Variants in BRCA2 observed in about 807,000 individuals in gnomAD.
BRCA2 encodes the protein BRCA2 DNA repair associated, also known as breast cancer type 2 susceptibility protein.
BRCA2 carries 203 observed loss-of-function variants against 276.7 expected under a neutral mutation model. The ratio of observed to expected loss-of-function variants is 0.73; its 90% confidence interval spans 0.65 to 0.82. BRCA2 has a LOEUF of 0.82. BRCA2 is among the 40% of genes least tolerant of loss of function. The pLI, the probability that BRCA2 is intolerant of heterozygous loss-of-function variation, is 0.00. For synonymous variants in BRCA2, 1,289 were observed against 1,338.4 expected (o/e 0.96, Z 0.81); for missense variants, 3,920 against 3,915.0 (o/e 1.00, Z -0.03).
At chr13:32,375,563 C>CTT (rs398022219) in intron 20 of BRCA2, among the ~76,000 whole-genome samples, 1,871 of 143,178 alleles carry the variant, frequency 0.013, 17 homozygotes, top group Non-Finnish European at 0.018. Flanking sequence ...AGACATGTTT[C>CTT]TTTTTTTTTT....
rs750084851 is a variant in BRCA2 at position 32,340,851 on chromosome 13, G to T, written c.6496G>T (p.Val2166Leu). ...SQFQQDKQQL[V>L]LGTKVSLVEN... ...ATTTCAACAAGACAAACAACAGTTG[G>T]TATTAGGAACCAAAGTGTCACTTGT... Residue 2166 changes from valine (V) to leucine (L), a missense_variant, in exon 11 of 27, where the codon GTA (valine) becomes TTA (leucine). By Grantham distance (32) the Val-to-Leu change is conservative (BLOSUM62 1). Transcript: ENST00000380152. 3 of 1,598,700 alleles carry T rather than the reference G, an allele frequency of 1.9e-6. No individual in the cohort carries two copies. The East Asian group carries it at 6.7e-5, about 36-fold the overall frequency.
At chr13:32,393,528 A>G (rs1195302108) in intron 24 of BRCA2, among the ~76,000 whole-genome samples, 4 of 152,088 alleles carry the variant, frequency 2.6e-5, no homozygotes, top group East Asian at 1.9e-4. Context: ...TGTTCTTTCA[A>G]CCAGCTTTCT....
At chr13:32,395,634 T>C (rs929013569) in intron 25 of BRCA2, among the ~76,000 whole-genome samples, 8 of 152,218 alleles carry the variant, frequency 5.3e-5, no homozygotes, top group Non-Finnish European at 7.3e-5. Context: ...GACTAGGAAC[T>C]GCTATGCAAT....
chr13:32,345,512 T>A (rs1407968458), intron 12 of BRCA2, among the ~76,000 whole-genome samples: 4 of 152,024 alleles, frequency 2.6e-5, no homozygotes. Context: ...ACAATATCAG[T>A]ATTAACTACT....
intron 13 of BRCA2, among the ~76,000 whole-genome samples, chr13:32,353,588 A>G (rs1009039201): frequency 3.3e-5 from 5 of 152,190 alleles, no homozygotes; most frequent in East Asian, 3.9e-4. Context: ...GTCTAGGCCA[A>G]TCGACATATT....
rs749435255 is a variant in BRCA2 at position 32,376,800 on chromosome 13, G to C, written c.8754+9G>C. Reference sequence around the variant, plus strand: ...ACCCAGCTTACCTTGAGGTGAGAGAGTAAGAGGACATATAATGAGGCTTGA... The same window carrying C: ...ACCCAGCTTACCTTGAGGTGAGAGACTAAGAGGACATATAATGAGGCTTGA... On this transcript the variant is annotated intron_variant, in intron 21 of 26. Coordinates refer to ENST00000380152, the MANE Select transcript of BRCA2 (RefSeq NM_000059.4). The C allele has an allele frequency of 6.2e-7, 1 of 1,613,860 alleles. No individual in the cohort carries two copies. The highest frequency in any genetic ancestry group is 8.5e-7 in the Non-Finnish European group (1 of 1,179,874).
intron 22 of BRCA2, 104 bp from the exon 23 acceptor site, chr13:32,379,646 C>A: frequency 1.3e-6 from 2 of 1,500,900 alleles, no homozygotes; most frequent in Non-Finnish European, 1.8e-6. Context: ...ACTACTAATG[C>A]CCACAAAGAG....
intron 3 of BRCA2, among the ~76,000 whole-genome samples, chr13:32,324,753 A>T (rs1174329812): frequency 6.6e-6 from 1 of 151,962 alleles, no homozygotes; most frequent in Non-Finnish European, 1.5e-5. Flanking sequence ...CAGCCTCTCA[A>T]GTAGCTAGGA....
Position 32,398,679 on chromosome 13 carries a change from C to T in BRCA2, c.10166C>T (p.Ser3389Phe), listed in dbSNP as rs431825279. 3.1e-6 allele frequency: 5 copies of T among 1,614,026 alleles called. No homozygotes were observed. The South Asian group carries it at 4.4e-5, about 14-fold the overall frequency. ...YLRLKRRCTT[S>F]LIKEQESSQA... is the part of the protein sequence containing the mutation. ...AGACTGAAACGACGTTGTACTACAT[C>T]TCTGATCAAAGAACAGGAGAGTTCC... Residue 3389 changes from serine (S) to phenylalanine (F), a missense_variant, in exon 27 of 27, where the codon TCT becomes TTT. Ser to Phe is a radical substitution (Grantham distance 155, BLOSUM62 -2). Coordinates refer to ENST00000380152, the MANE Select transcript of BRCA2 (RefSeq NM_000059.4).
intron 11 of BRCA2, among the ~76,000 whole-genome samples, chr13:32,343,396 T>C (rs1279199364): frequency 1.3e-5 from 2 of 152,232 alleles, no homozygotes; most frequent in Non-Finnish European, 2.9e-5. Flanking sequence ...TCTTCCTGTC[T>C]AGACCCCATG....
intron 1 of BRCA2, among the ~76,000 whole-genome samples, chr13:32,316,147 A>G (rs939620853): frequency 3.9e-5 from 6 of 152,170 alleles, no homozygotes; most frequent in African/African-American, 1.4e-4. Flanking sequence ...CCCACTAGCC[A>G]CGCGTCACTG....
intron 22 of BRCA2, 50 bp downstream of exon 22, chr13:32,379,565 G>A (rs1405563328): frequency 6.3e-7 from 1 of 1,584,048 alleles, no homozygotes; most frequent in Non-Finnish European, 8.6e-7. Context: ...CTTAAAAAAT[G>A]ACCTTACTAA....
Position 32,347,399 on chromosome 13 carries a change from A to G in BRCA2, c.7007+503A>G, listed in dbSNP as rs11571684. ...ATGCTTTCCCCTAAAAAACCTGAAAAAGATTCAAATTGGCAGCAACAGGTA... is the reference window on the plus strand; with the variant it reads ...ATGCTTTCCCCTAAAAAACCTGAAAGAGATTCAAATTGGCAGCAACAGGTA... On this transcript the variant is annotated intron_variant, in intron 13 of 26. Transcript: ENST00000380152. Among the ~76,000 whole-genome samples, 6,239 of 152,282 alleles carry G rather than the reference A, an allele frequency of 0.041. 217 individuals carry two copies. Among genetic ancestry groups the G allele is most frequent in the South Asian group, 0.11 (552 of 4,822 alleles).
intron 12 of BRCA2, 86 bp downstream of exon 12, chr13:32,344,739 C>T: frequency 3.1e-6 from 3 of 962,546 alleles, no homozygotes; most frequent in Admixed American, 4.0e-5. Flanking sequence ...ACCTGCCTCT[C>T]AAAGTGCTGG....
At chr13:32,374,113 G>T (rs117855291) in intron 20 of BRCA2, among the ~76,000 whole-genome samples, 70 of 152,364 alleles carry the variant, frequency 4.6e-4, no homozygotes, top group Non-Finnish European at 7.3e-4. Flanking sequence ...TGGAGCAAGT[G>T]GGACACAGGT....
rs1555283442 is a variant in BRCA2, at chr13:32,338,220, A to AAAT, written c.3866_3868dup (p.Lys1289_Cys1290insTer). On this transcript the variant is annotated stop_gained and inframe_insertion, in exon 11 of 27. Transcript: ENST00000380152. LOFTEE classifies it high-confidence loss of function. ...TAAAACTGTAAGTGAAAAAAATAAT[A>AAAT]AATGCCAACTGATATTACAAAATAA... is the stretch of plus-strand genomic sequence containing the variant. The AAAT allele has an allele frequency of 6.5e-7, 1 of 1,541,432 alleles. No individual in the cohort carries two copies. Among genetic ancestry groups the AAAT allele is most frequent in the African/African-American group, 1.4e-5 (1 of 71,906 alleles).
At chr13:32,356,334 T>C in intron 14 of BRCA2, 94 bp from the exon 15 acceptor site, 1 of 1,283,188 alleles carries the variant, frequency 7.8e-7, no homozygotes, top group Non-Finnish European at 1.1e-6. Context: ...CCTCCCAAAG[T>C]GCTGGGATTA....
chr13:32,319,600 C>CA (rs1356112684), intron 3 of BRCA2, among the ~76,000 whole-genome samples: 1 of 151,952 alleles, frequency 6.6e-6, no homozygotes, highest in African/African-American at 2.4e-5. Flanking sequence ...TTTCTTATGC[C>CA]AAAAAAACCT....
chr13:32,317,262 T>C (rs933297250), intron 2 of BRCA2, among the ~76,000 whole-genome samples: 1 of 152,192 alleles, frequency 6.6e-6, no homozygotes, highest in African/African-American at 2.4e-5. Flanking sequence ...TAATGAAAGC[T>C]AACCCATTGC....
Sources: allele counts gnomAD v4.1 joint callset (sites outside exome capture counted in the v4.1 genomes callset), GRCh38; gene constraint gnomAD v4.1.1; transcripts MANE v1.5; gene names NCBI Gene and HGNC (gene_info 2026-07-23, HGNC 2026-07-21).